MTR: variants seen among roughly 807,000 people sequenced by gnomAD.
MTR encodes the protein 5-methyltetrahydrofolate-homocysteine methyltransferase.
MTR carries 84 observed loss-of-function variants against 154.8 expected under a neutral mutation model. The observed-to-expected ratio is 0.54, with a 90% confidence interval of 0.45 to 0.65. The LOEUF is 0.65. Ranked by LOEUF, MTR falls within the 30% of genes least tolerant of loss-of-function variation. The pLI is 0.00. For missense variants in MTR, 1,275 were observed against 1,570.2 expected (o/e 0.81, Z 3.18); for synonymous variants, 554 against 553.9 (o/e 1.00, Z 0.00).
intron 27 of MTR, among the ~76,000 whole-genome samples, chr1:236,888,492 A>G (rs1666141085): frequency 6.6e-6 from 1 of 152,270 alleles, no homozygotes; most frequent in Non-Finnish European, 1.5e-5. Flanking sequence ...AGCTTAAGAC[A>G]TAACCTACCA....
chr1:236,870,580 A>T (rs1665072017), intron 22 of MTR, among the ~76,000 whole-genome samples: 1 of 152,112 alleles, frequency 6.6e-6, no homozygotes, highest in Non-Finnish European at 1.5e-5. Context: ...GCACACCTGG[A>T]GTAACAAGGC....
At chr1:236,823,720 C>T (rs1662108562) in intron 8 of MTR, among the ~76,000 whole-genome samples, 1 of 143,076 alleles carries the variant, frequency 7.0e-6, no homozygotes, top group African/African-American at 2.6e-5. Flanking sequence ...AGAGTGGCTT[C>T]TTGCCACCAT....
chr1:236,853,035 C>T lies in MTR; in HGVS notation c.1900C>T (p.Leu634Phe), dbSNP rs1284198075. The T allele has an allele frequency of 1.2e-6, 2 of 1,614,006 alleles. No individual in the cohort carries two copies. The highest frequency in any genetic ancestry group is 2.2e-5 in the East Asian group (1 of 44,880). ...GGAACTTCTGCAGCTCTGTGAAGATCTCATCTGGAATAAAGACCCTGAGGC... is the reference window on the plus strand; with the variant it reads ...GGAACTTCTGCAGCTCTGTGAAGATTTCATCTGGAATAAAGACCCTGAGGC... ...HKELLQLCEDLIWNKDPEATE... is the reference protein window; with the variant it reads ...HKELLQLCEDFIWNKDPEATE... Residue 634 changes from leucine (L) to phenylalanine (F), a missense_variant, in exon 18 of 33, where the codon CTC becomes TTC. Coordinates refer to ENST00000366577, the MANE Select transcript of MTR (RefSeq NM_000254.3).
Position 236,889,206 on chromosome 1 carries a change from G to C in MTR, c.2877G>C (p.Gln959His). 6.2e-7 allele frequency: 1 copy of C among 1,614,188 alleles called. No homozygotes were observed. The highest frequency in any genetic ancestry group is 8.5e-7 in the Non-Finnish European group (1 of 1,180,032). Residue 959 changes from glutamine to histidine, a missense_variant, in exon 28 of 33, where the codon CAG becomes CAC. Coordinates refer to ENST00000366577, the MANE Select transcript of MTR (RefSeq NM_000254.3). ...TGAAGCCCACGTTTATTGGGACCCAGGTCTTTGAAGACTATGACCTGCAGA... is the reference window on the plus strand; with the variant it reads ...TGAAGCCCACGTTTATTGGGACCCACGTCTTTGAAGACTATGACCTGCAGA... ...HPVKPTFIGT[Q>H]VFEDYDLQKL...
chr1:236,863,430 T>G, intron 21 of MTR, 24 bp from the exon 22 acceptor site: 134 of 1,600,654 alleles, frequency 8.4e-5, no homozygotes, highest in Non-Finnish European at 1.1e-4. Flanking sequence ...CCTGCCTTGC[T>G]GAGCTGCTTG....
intron 12 of MTR, 62 bp downstream of exon 12, chr1:236,829,330 A>G (rs1460595419): frequency 2.2e-6 from 3 of 1,352,814 alleles, no homozygotes; most frequent in Non-Finnish European, 3.2e-6. Flanking sequence ...TGAGTATTCT[A>G]AGTGGTAGTG....
In MTR at chr1:236,898,043, T is replaced by C. The variant is rs745570588; in HGVS notation, c.*399T>C. ...AAGAAAAGCCTGAAACTGAGTTGAA[T>C]AGAGAAGTGTGACCCTGTGACAAAA... On this transcript the variant is annotated 3_prime_UTR_variant, in exon 33 of 33. Coordinates refer to ENST00000366577, the MANE Select transcript of MTR (RefSeq NM_000254.3). 5 of 238,312 alleles carry C rather than the reference T, an allele frequency of 2.1e-5. No homozygotes were observed. The highest frequency in any genetic ancestry group is 5.6e-5 in the South Asian group (1 of 17,946). The allele number at this position is 238,312 out of a possible 1,614,324, so 14.8% of individuals were successfully genotyped here.
chr1:236,821,460 C>T (rs1661945213), intron 8 of MTR, among the ~76,000 whole-genome samples: 1 of 152,200 alleles, frequency 6.6e-6, no homozygotes, highest in Non-Finnish European at 1.5e-5. Flanking sequence ...CAAGCTATAG[C>T]AAATCCTTTA....
intron 1 of MTR, among the ~76,000 whole-genome samples, chr1:236,802,885 A>G (rs1237988647): frequency 6.6e-6 from 1 of 152,114 alleles, no homozygotes; most frequent in Non-Finnish European, 1.5e-5. Flanking sequence ...ATTAGAAGTC[A>G]AGGAGCATGG....
chr1:236,895,309 T>C (rs745376339), intron 30 of MTR, 49 bp from the exon 31 acceptor site: 9 of 1,551,326 alleles, frequency 5.8e-6, no homozygotes, highest in Non-Finnish European at 7.0e-6. Context: ...GCACTGATGC[T>C]GTGAGCCCCT....
At chr1:236,808,595 A>G (rs911148115) in intron 3 of MTR, 109 bp from the exon 4 acceptor site, 1 of 1,067,026 alleles carries the variant, frequency 9.4e-7, no homozygotes, top group Admixed American at 1.9e-5. Flanking sequence ...AGATTAATTC[A>G]CTCTACATTT....
At chr1:236,808,546 G>A (rs1661117509) in intron 3 of MTR, among the ~76,000 whole-genome samples, 158 bp from the exon 4 acceptor site, 1 of 152,216 alleles carries the variant, frequency 6.6e-6, no homozygotes, top group African/African-American at 2.4e-5. Flanking sequence ...CAAGTCTGGA[G>A]CTGATATGCC....
chr1:236,808,668 A>G, intron 3 of MTR, 36 bp from the exon 4 acceptor site: 2 of 1,599,564 alleles, frequency 1.3e-6, no homozygotes, highest in South Asian at 1.1e-5. Flanking sequence ...GCGGAGGAAA[A>G]GAAGGACAAG....
intron 25 of MTR, among the ~76,000 whole-genome samples, chr1:236,883,989 CTTCT>C (rs1402223432): frequency 2.0e-5 from 3 of 152,092 alleles, no homozygotes; most frequent in Non-Finnish European, 4.4e-5. Context: ...GCTGCCGTTT[CTTCT>C]TTCTATGTAA....
intron 11 of MTR, among the ~76,000 whole-genome samples, chr1:236,827,434 A>T (rs192083563): frequency 1.3e-5 from 2 of 152,156 alleles, no homozygotes; most frequent in African/African-American, 4.8e-5. Flanking sequence ...ATAATTTTCA[A>T]TGTTTTTCCA....
At chr1:236,799,442 G>A (rs559351895) in intron 1 of MTR, among the ~76,000 whole-genome samples, 18 of 152,138 alleles carry the variant, frequency 1.2e-4, no homozygotes, top group Admixed American at 1.0e-3. Flanking sequence ...GATTTTTAAG[G>A]GCCTCAGTTG....
At chr1:236,796,721 A>G (rs1463253072) in intron 1 of MTR, among the ~76,000 whole-genome samples, 2 of 149,142 alleles carry the variant, frequency 1.3e-5, no homozygotes, top group African/African-American at 5.0e-5. Flanking sequence ...CCTCCCTATG[A>G]GAGGTTTATA....
chr1:236,844,986 A>G (rs538188912), intron 15 of MTR, among the ~76,000 whole-genome samples: 8 of 152,310 alleles, frequency 5.3e-5, no homozygotes, highest in African/African-American at 1.7e-4. Flanking sequence ...TAGACATTTT[A>G]AAGCCTTGGA....
chr1:236,835,531 C>A lies in MTR; in HGVS notation c.1189-16C>A. ...ACTGTCTCCTAATGCTGCTTCCTCTCTCATTCTTCCTTCAGGAAGCCTTGT... is the reference window on the plus strand; with the variant it reads ...ACTGTCTCCTAATGCTGCTTCCTCTATCATTCTTCCTTCAGGAAGCCTTGT... On this transcript the variant is annotated splice_polypyrimidine_tract_variant and intron_variant, in intron 13 of 32. Transcript: ENST00000366577. 1 of 1,612,590 alleles carries A rather than the reference C, an allele frequency of 6.2e-7. No individual in the cohort carries two copies. Among genetic ancestry groups the A allele is most frequent in the Non-Finnish European group, 8.5e-7 (1 of 1,179,776 alleles).
Sources: gnomAD v4.1 joint callset for allele counts (sites outside exome capture counted in the v4.1 genomes callset) on GRCh38, gnomAD v4.1.1 for gene constraint, MANE v1.5 for transcripts, NCBI Gene and HGNC (gene_info 2026-07-23, HGNC 2026-07-21) for gene names.